MDFIC: variants seen among roughly 807,000 people sequenced by gnomAD.
MDFIC encodes the protein MyoD family inhibitor domain containing.
MDFIC carries 17 observed loss-of-function variants against 23.2 expected under a neutral mutation model. The observed-to-expected ratio is 0.73, with a 90% confidence interval of 0.50 to 1.10. The LOEUF is 1.10. Ranked by LOEUF, MDFIC falls within the 50% of genes least tolerant of loss-of-function variation. MDFIC has a pLI of 0.00. For synonymous variants in MDFIC, 120 were observed against 115.2 expected, an observed-to-expected ratio of 1.04 and a Z score of -0.27; for missense variants, 356 against 316.6, an observed-to-expected ratio of 1.12 and a Z score of -0.95.
chr7:114,944,658 T>A (rs1473824813), intron 3 of MDFIC, among the ~76,000 whole-genome samples: 1 of 152,210 alleles, frequency 6.6e-6, no homozygotes, highest in East Asian at 1.9e-4. Flanking sequence ...TCATTGGCCA[T>A]CTCTGTGTAA....
chr7:114,988,206 G>T (rs896788751), intron 4 of MDFIC, among the ~76,000 whole-genome samples: 2 of 152,142 alleles, frequency 1.3e-5, no homozygotes, highest in African/African-American at 4.8e-5. Context: ...TCAGGAGATG[G>T]GTGAGGAGGA....
intron 3 of MDFIC, among the ~76,000 whole-genome samples, chr7:114,951,404 C>T (rs1244771442): frequency 2.6e-5 from 4 of 151,850 alleles, no homozygotes; most frequent in Admixed American, 6.6e-5. Flanking sequence ...TCCAAAGAGT[C>T]TTCTCCATTT....
At chr7:115,013,348 G>T (rs1791720222) in intron 4 of MDFIC, among the ~76,000 whole-genome samples, 1 of 152,012 alleles carries the variant, frequency 6.6e-6, no homozygotes, top group Admixed American at 6.5e-5. Context: ...AGGCTGGAAC[G>T]AGACATTCTT....
rs1791814048 is a variant in MDFIC at position 115,017,269 on chromosome 7, G to A, written c.*1334G>A. 6.6e-6 allele frequency: 1 copy of A among 152,026 alleles called. No homozygotes were observed. The allele number at this position is 152,026 out of a possible 1,614,324, so 9.4% of individuals were successfully genotyped here. A position where few individuals can be genotyped will look rare whatever the true frequency, so the allele number is the denominator to read the frequency against. On this transcript the variant is annotated 3_prime_UTR_variant, in exon 5 of 5. Coordinates refer to ENST00000393486, the MANE Select transcript of MDFIC (RefSeq NM_001166345.3). ...TTAAATGTTATCATACTTTTTTGAT[G>A]AAAACATAATGCCTTAGTAAAATAG...
chr7:114,959,051 T>C (rs748606999), intron 3 of MDFIC, among the ~76,000 whole-genome samples: 1 of 152,230 alleles, frequency 6.6e-6, no homozygotes, highest in East Asian at 1.9e-4. Context: ...ACAGAGTACA[T>C]ACTTAATGTG....
At chr7:115,002,840 AC>A (rs1400407323) in intron 4 of MDFIC, among the ~76,000 whole-genome samples, 2 of 152,180 alleles carry the variant, frequency 1.3e-5, no homozygotes, top group Admixed American at 6.6e-5. Flanking sequence ...CTTCTGGAGA[AC>A]AGTGAACATA....
chr7:114,945,935 A>G (rs1351450606), intron 3 of MDFIC, among the ~76,000 whole-genome samples: 2 of 152,204 alleles, frequency 1.3e-5, no homozygotes, highest in African/African-American at 2.4e-5. Flanking sequence ...TGGAATTTAT[A>G]AGAGCACCAA....
chr7:114,981,233 C>T lies in MDFIC; in HGVS notation c.493+1452C>T, dbSNP rs565105718. ...TATTACGTCCCTAACCTCTTATTTT[C>T]CATTTGATATTTACTTATTTTTGTA... On this transcript the variant is annotated intron_variant, in intron 4 of 4. Coordinates refer to ENST00000393486, the MANE Select transcript of MDFIC (RefSeq NM_001166345.3). 2.6e-5 allele frequency among the ~76,000 whole-genome samples: 4 copies of T among 152,278 alleles called. No homozygotes were observed. In the East Asian group the frequency reaches 7.7e-4, roughly 29 times the overall value.
chr7:114,990,664 C>A (rs1167706654), intron 4 of MDFIC, among the ~76,000 whole-genome samples: 1 of 152,214 alleles, frequency 6.6e-6, no homozygotes, highest in Non-Finnish European at 1.5e-5. Flanking sequence ...CATGTCCCTA[C>A]AAAGGACATG....
intron 4 of MDFIC, among the ~76,000 whole-genome samples, chr7:114,983,988 A>G (rs943236807): frequency 2.6e-5 from 4 of 152,188 alleles, no homozygotes; most frequent in African/African-American, 4.8e-5. Flanking sequence ...ACCGAGACAC[A>G]GAGAAGTTAA....
chr7:115,001,311 C>T (rs932539180), intron 4 of MDFIC, among the ~76,000 whole-genome samples: 3 of 152,062 alleles, frequency 2.0e-5, no homozygotes, highest in African/African-American at 7.2e-5. Flanking sequence ...AATATTAAAC[C>T]TGCCTAAATT....
intron 4 of MDFIC, among the ~76,000 whole-genome samples, chr7:115,002,419 C>G (rs1020023780): frequency 3.3e-5 from 5 of 152,216 alleles, no homozygotes; most frequent in Non-Finnish European, 7.4e-5. Flanking sequence ...CACAGAACTT[C>G]AATATGTCCC....
chr7:115,015,654 T>G, intron 4 of MDFIC, 34 bp from the exon 5 acceptor site: 1 of 1,593,266 alleles, frequency 6.3e-7, no homozygotes, highest in Non-Finnish European at 8.6e-7. Flanking sequence ...CTCCTTTTTC[T>G]CACTATATGG....
intron 3 of MDFIC, among the ~76,000 whole-genome samples, chr7:114,952,674 T>C (rs1305861941): frequency 2.0e-5 from 3 of 152,120 alleles, no homozygotes; most frequent in Admixed American, 6.5e-5. Context: ...CCATGGTTCA[T>C]GAGAACTTGT....
At chr7:114,973,994 G>A (rs1267458386) in intron 3 of MDFIC, among the ~76,000 whole-genome samples, 1 of 152,120 alleles carries the variant, frequency 6.6e-6, no homozygotes, top group African/African-American at 2.4e-5. Flanking sequence ...ATAAAAAAAA[G>A]ATTAGAAGGC....
intron 4 of MDFIC, among the ~76,000 whole-genome samples, chr7:115,007,807 C>T (rs1349892414): frequency 6.9e-6 from 1 of 145,088 alleles, no homozygotes; most frequent in South Asian, 2.2e-4. Flanking sequence ...CCCCACCCCC[C>T]GACCCCCTCC....
chr7:114,929,200 G>A (rs991308733), intron 2 of MDFIC, among the ~76,000 whole-genome samples: 3 of 151,382 alleles, frequency 2.0e-5, no homozygotes, highest in South Asian at 2.1e-4. Flanking sequence ...TCCACCTCCC[G>A]GGTTCAAGCG....
intron 3 of MDFIC, among the ~76,000 whole-genome samples, chr7:114,967,985 C>T (rs1290032527): frequency 6.6e-6 from 1 of 152,038 alleles, no homozygotes; most frequent in Non-Finnish European, 1.5e-5. Flanking sequence ...CATGCCACCA[C>T]ACCCAGTTTT....
At chr7:115,014,532 T>A in intron 4 of MDFIC, 2 of 1,288,354 alleles carry the variant, frequency 1.6e-6, no homozygotes, top group South Asian at 2.5e-5. Flanking sequence ...CATGTGACAA[T>A]GGTAAGAGGG....
Sources: allele counts gnomAD v4.1 joint callset (sites outside exome capture counted in the v4.1 genomes callset), GRCh38; gene constraint gnomAD v4.1.1; transcripts MANE v1.5; gene names NCBI Gene and HGNC (gene_info 2026-07-23, HGNC 2026-07-21).